SHISA9: variants seen among roughly 807,000 people sequenced by gnomAD.
SHISA9 encodes the protein shisa family member 9.
SHISA9 carries 13 observed loss-of-function variants against 38.0 expected under a neutral mutation model. The ratio of observed to expected loss-of-function variants is 0.34; its 90% CI spans 0.22 to 0.54. SHISA9 has a LOEUF of 0.54. SHISA9 is among the 20% of genes least tolerant of loss of function. The pLI is 0.91. For missense variants in SHISA9, 538 were observed against 575.8 expected (o/e 0.93, Z 0.67); for synonymous variants, 275 against 242.0 (o/e 1.14, Z -1.27).
chr16:13,459,631 G>C, the SHISA9 span, among the ~76,000 whole-genome samples: 1 of 152,118 alleles, frequency 6.6e-6, no homozygotes, highest in African/African-American at 2.4e-5. Flanking sequence ...GATGGGTAAA[G>C]TATGCATATC....
At chr16:13,396,162 A>G in the SHISA9 span, among the ~76,000 whole-genome samples, 2 of 152,174 alleles carry the variant, frequency 1.3e-5, no homozygotes, top group Non-Finnish European at 1.5e-5. Context: ...CTCAAACTCT[A>G]CAGTACCTGA....
intron 2 of SHISA9, among the ~76,000 whole-genome samples, chr16:13,138,454 G>T (rs986863388): frequency 2.0e-5 from 3 of 152,056 alleles, no homozygotes; most frequent in African/African-American, 7.2e-5. Context: ...TGATAACAGG[G>T]GCGGCATCTT....
intron 2 of SHISA9, among the ~76,000 whole-genome samples, chr16:13,167,066 T>G (rs1381909966): frequency 7.8e-6 from 1 of 128,140 alleles, no homozygotes; most frequent in African/African-American, 3.0e-5. Context: ...TCTCTCTCTC[T>G]TTTTTCTTTT....
chr16:13,509,016 C>G, the SHISA9 span, among the ~76,000 whole-genome samples: 1 of 152,146 alleles, frequency 6.6e-6, no homozygotes, highest in South Asian at 2.1e-4. Context: ...AAAGGGATTT[C>G]TCATATGATT....
chr16:13,008,453 A>G (rs2072625530), intron 2 of SHISA9, among the ~76,000 whole-genome samples: 1 of 151,930 alleles, frequency 6.6e-6, no homozygotes. Flanking sequence ...GGCAGATCTC[A>G]TTTTGAATTG....
chr16:13,474,609 T>G, the SHISA9 span, among the ~76,000 whole-genome samples: 1 of 152,174 alleles, frequency 6.6e-6, no homozygotes, highest in African/African-American at 2.4e-5. Context: ...GGGAGACCTG[T>G]AACATCAAAC....
At chr16:13,075,790 A>G (rs553264747) in intron 2 of SHISA9, among the ~76,000 whole-genome samples, 156 of 152,310 alleles carry the variant, frequency 1.0e-3, no homozygotes, top group African/African-American at 3.6e-3. Flanking sequence ...CACAGCTGGT[A>G]AGACAGAAGC....
intron 2 of SHISA9, among the ~76,000 whole-genome samples, chr16:13,157,949 G>C (rs1211598607): frequency 1.3e-5 from 2 of 152,176 alleles, no homozygotes; most frequent in Non-Finnish European, 2.9e-5. Context: ...CTCATCTCCA[G>C]GGTTCTTAGC....
the SHISA9 span, among the ~76,000 whole-genome samples, chr16:13,533,020 G>T: frequency 1.3e-3 from 199 of 152,176 alleles, no homozygotes; most frequent in Non-Finnish European, 1.7e-3. Flanking sequence ...GAGTGCATCA[G>T]ATCCAAGATC....
chr16:13,151,821 C>A (rs748707512), intron 2 of SHISA9, among the ~76,000 whole-genome samples: 12 of 152,198 alleles, frequency 7.9e-5, no homozygotes, highest in African/African-American at 2.9e-4. Flanking sequence ...CATGGATTCG[C>A]TGGCCTGTAG....
At chr16:13,072,920 C>G (rs918291869) in intron 2 of SHISA9, among the ~76,000 whole-genome samples, 2 of 152,176 alleles carry the variant, frequency 1.3e-5, no homozygotes, top group Admixed American at 6.5e-5. Context: ...CTCGGCCTCC[C>G]AAATTGCTGG....
the SHISA9 span, among the ~76,000 whole-genome samples, chr16:13,500,098 A>T: frequency 1.3e-5 from 2 of 152,096 alleles, no homozygotes; most frequent in East Asian, 3.9e-4. Context: ...TGAAGGAGAG[A>T]CCTGGTGAGA....
At chr16:13,358,992 T>G in the SHISA9 span, among the ~76,000 whole-genome samples, 1 of 152,236 alleles carries the variant, frequency 6.6e-6, no homozygotes, top group Non-Finnish European at 1.5e-5. Context: ...CTCAGAGGCA[T>G]GAAGCCTAGA....
the SHISA9 span, among the ~76,000 whole-genome samples, chr16:13,263,257 C>G: frequency 6.6e-6 from 1 of 152,154 alleles, no homozygotes; most frequent in African/African-American, 2.4e-5. Flanking sequence ...CCCAATAACT[C>G]TATTGTCAGT....
the SHISA9 span, among the ~76,000 whole-genome samples, chr16:13,314,461 A>G: frequency 1.3e-5 from 2 of 152,018 alleles, no homozygotes; most frequent in African/African-American, 4.8e-5. Flanking sequence ...GCTGGTCTCA[A>G]ACTCCTGACC....
At chr16:13,513,778 T>C in the SHISA9 span, among the ~76,000 whole-genome samples, 40,402 of 151,938 alleles carry the variant, frequency 0.27, 5,788 homozygotes, top group South Asian at 0.43. Context: ...CAAGTGGAAG[T>C]TGAACAATGA....
the SHISA9 span, among the ~76,000 whole-genome samples, chr16:13,358,672 A>G: frequency 1.3e-5 from 2 of 152,136 alleles, no homozygotes; most frequent in African/African-American, 4.8e-5. Flanking sequence ...GCTTCAACCA[A>G]CCAGTGAAAG....
At chr16:13,541,479 C>T in the SHISA9 span, among the ~76,000 whole-genome samples, 39 of 152,294 alleles carry the variant, frequency 2.6e-4, no homozygotes, top group African/African-American at 7.2e-4. Context: ...AAACCATTTA[C>T]GAAGCATTTG....
At chr16:13,270,348 G>T in the SHISA9 span, among the ~76,000 whole-genome samples, 5 of 152,080 alleles carry the variant, frequency 3.3e-5, no homozygotes, top group African/African-American at 1.2e-4. Context: ...CAACTCTCCT[G>T]GGCACCTCCA....
Sources: gnomAD v4.1 joint callset for allele counts (sites outside exome capture counted in the v4.1 genomes callset) on GRCh38, gnomAD v4.1.1 for gene constraint, MANE v1.5 for transcripts, NCBI Gene and HGNC (gene_info 2026-07-23, HGNC 2026-07-21) for gene names.